SERPING1: variants seen among roughly 807,000 people sequenced by gnomAD.
The protein encoded by SERPING1 is plasma protease C1 inhibitor.
A neutral mutation model predicts 34.1 loss-of-function variants in SERPING1; 5 were observed. The ratio of observed to expected loss-of-function variants is 0.15; its 90% CI spans 0.08 to 0.31. The LOEUF (loss-of-function observed/expected upper bound fraction) is 0.31. Ranked by LOEUF, SERPING1 falls within the 10% of genes least tolerant of loss-of-function variation. The pLI is 1.00. For missense variants in SERPING1, 505 were observed against 609.5 expected (o/e 0.83, Z 1.81); for synonymous variants, 225 against 242.4 (o/e 0.93, Z 0.67).
intron 5 of SERPING1, 70 bp from the exon 6 acceptor site, chr11:57,606,338 C>A (rs1945409082): frequency 6.2e-7 from 1 of 1,603,190 alleles, no homozygotes; most frequent in Non-Finnish European, 8.5e-7. Flanking sequence ...TCTTTGCTAA[C>A]AAGGCTTTTA....
intron 6 of SERPING1, 128 bp downstream of exon 6, chr11:57,606,675 T>G (rs770144991): frequency 1.0e-6 from 1 of 973,792 alleles, no homozygotes; most frequent in Admixed American, 1.7e-5. Context: ...TCCATCTGTA[T>G]TTCCACCCTA....
Position 57,600,381 on chromosome 11 carries a change from A to G in SERPING1, c.550+4A>G. ...CTCCTTACCCAGGTCCTGCTCGGTA[A>G]GACCCTGCTTGAATTCTCTCCAGGT... On this transcript the variant is annotated splice_donor_region_variant and intron_variant, in intron 3 of 7. Transcript: ENST00000278407. The G allele has an allele frequency of 6.2e-7, 1 of 1,612,234 alleles. No homozygotes were observed. The highest frequency in any genetic ancestry group is 8.5e-7 in the Non-Finnish European group (1 of 1,179,994).
rs1590823781 is a variant in SERPING1 at position 57,601,981 on chromosome 11, G to A, written c.551-54G>A. On this transcript the variant is annotated intron_variant, in intron 3 of 7. Transcript: ENST00000278407. Reference sequence around the variant, plus strand: ...CCTGGTCCCCAACCCTCATTCCCAAGGAAGGCCCCCGACTCATCCTGCAAG... The same window carrying A: ...CCTGGTCCCCAACCCTCATTCCCAAAGAAGGCCCCCGACTCATCCTGCAAG... 1.2e-5 allele frequency: 20 copies of A among 1,610,604 alleles called. No individual in the cohort carries two copies. In the East Asian group the frequency reaches 3.8e-4, roughly 31 times the overall value.
At chr11:57,613,156 G>A (rs554460380) in intron 7 of SERPING1, among the ~76,000 whole-genome samples, 1 of 152,306 alleles carries the variant, frequency 6.6e-6, no homozygotes, top group African/African-American at 2.4e-5. Flanking sequence ...ATCTGTATAG[G>A]AAGAAAACCT....
intron 6 of SERPING1, among the ~76,000 whole-genome samples, chr11:57,608,166 T>C (rs961156451): frequency 2.6e-5 from 4 of 152,110 alleles, no homozygotes; most frequent in African/African-American, 9.7e-5. Flanking sequence ...GAGGTATAAA[T>C]ATGAGATTTT....
In SERPING1 at chr11:57,606,487, C is replaced by T; in HGVS notation, c.969C>T (p.Pro323=). ...FHFKNSVIKV[P]MMNSKKYPVA... ...TCAAAAACTCAGTTATAAAAGTGCCCATGATGAATAGCAAGAAGTACCCTG... is the reference window on the plus strand; with the variant it reads ...TCAAAAACTCAGTTATAAAAGTGCCTATGATGAATAGCAAGAAGTACCCTG... The change falls in exon 6 of 8, where the codon CCC becomes CCT. Residue 323 remains proline (P), a synonymous_variant. Coordinates refer to ENST00000278407, the MANE Select transcript of SERPING1 (RefSeq NM_000062.3). The T allele has an allele frequency of 3.1e-6, 5 of 1,614,062 alleles. No homozygotes were observed. Among genetic ancestry groups the T allele is most frequent in the Non-Finnish European group, 4.2e-6 (5 of 1,179,990 alleles).
At chr11:57,607,964 G>C (rs935012338) in intron 6 of SERPING1, among the ~76,000 whole-genome samples, 1 of 152,136 alleles carries the variant, frequency 6.6e-6, no homozygotes, top group Middle Eastern at 3.2e-3. Context: ...CAGCTGAGGA[G>C]GTTATTTTTG....
At chr11:57,606,307 A>T in intron 5 of SERPING1, 94 bp downstream of exon 5, 1 of 1,595,774 alleles carries the variant, frequency 6.3e-7, no homozygotes, top group Non-Finnish European at 8.6e-7. Context: ...CTACAATCGG[A>T]TCTCAATGTC....
At chr11:57,606,264 C>A (rs190428339) in intron 5 of SERPING1, 51 bp downstream of exon 5, 1 of 1,608,842 alleles carries the variant, frequency 6.2e-7, no homozygotes, top group Non-Finnish European at 8.5e-7. Flanking sequence ...CCTTCTTCCC[C>A]TCCTGGCTTC....
chr11:57,598,152 C>A, intron 1 of SERPING1, 97 bp from the exon 2 acceptor site: 1 of 881,404 alleles, frequency 1.1e-6, no homozygotes, highest in Non-Finnish European at 1.8e-6. Flanking sequence ...CTAAGAGGGA[C>A]TGGGGCCTGA....
intron 7 of SERPING1, among the ~76,000 whole-genome samples, chr11:57,613,269 T>C (rs536292021): frequency 6.6e-6 from 1 of 152,314 alleles, no homozygotes; most frequent in South Asian, 2.1e-4. Flanking sequence ...TGTCCTACAA[T>C]TGAATCCAAT....
chr11:57,606,439 A>G lies in SERPING1; in HGVS notation c.921A>G (p.Lys307=), dbSNP rs781097588. The change falls in exon 6 of 8, where the codon AAA becomes AAG. Residue 307 remains lysine (K), a synonymous_variant. Coordinates refer to ENST00000278407, the MANE Select transcript of SERPING1 (RefSeq NM_000062.3). ...GGAAGACAACATTTGATCCCAAGAA[A>G]ACCAGAATGGAACCCTTTCACTTCA... ...AKWKTTFDPK[K]TRMEPFHFKN... 2.2e-5 allele frequency: 36 copies of G among 1,614,074 alleles called. No individual in the cohort carries two copies. Among genetic ancestry groups the G allele is most frequent in the Admixed American group, 1.2e-4 (7 of 60,004 alleles).
At chr11:57,605,741 CA>C in intron 4 of SERPING1, 1 of 515,090 alleles carries the variant, frequency 1.9e-6, no homozygotes, top group Non-Finnish European at 3.5e-6. Flanking sequence ...TTTAATATCT[CA>C]AAAAGATTAT....
At position 57,599,953 on chromosome 11, in the gene SERPING1, A is replaced by G; in HGVS notation, c.126A>G (p.Glu42=). Residue 42 remains glutamate (E), a synonymous_variant, in exon 3 of 8, where the codon GAA becomes GAG. Coordinates refer to ENST00000278407, the MANE Select transcript of SERPING1 (RefSeq NM_000062.3). The part of the protein sequence containing the change: ...QDPESLQDRG[E]GKVATTVISK... ...CAGAGAGTTTGCAAGACAGAGGCGA[A>G]GGGAAGGTCGCAACAACAGTTATCT... 1 of 1,614,234 alleles carries G rather than the reference A, an allele frequency of 6.2e-7. No homozygotes were observed. The highest frequency in any genetic ancestry group is 8.5e-7 in the Non-Finnish European group (1 of 1,180,038).
chr11:57,608,586 C>T (rs920982393), intron 6 of SERPING1, among the ~76,000 whole-genome samples: 6 of 152,192 alleles, frequency 3.9e-5, no homozygotes, highest in Non-Finnish European at 8.8e-5. Context: ...AATCCCAGCT[C>T]TCTGTAACCT....
intron 6 of SERPING1, among the ~76,000 whole-genome samples, chr11:57,608,446 C>T (rs768783160): frequency 6.6e-6 from 1 of 152,124 alleles, no homozygotes; most frequent in Admixed American, 6.6e-5. Flanking sequence ...AATAAATATT[C>T]AAATACAAAG....
intron 5 of SERPING1, 68 bp downstream of exon 5, chr11:57,606,281 C>T (rs899541083): frequency 2.5e-6 from 4 of 1,600,668 alleles, no homozygotes; most frequent in Non-Finnish European, 3.4e-6. Flanking sequence ...CTTCAAAGCC[C>T]ACTTAACCCC....
At chr11:57,601,916 C>A in intron 3 of SERPING1, 119 bp from the exon 4 acceptor site, 8 of 744,736 alleles carry the variant, frequency 1.1e-5, no homozygotes, top group Non-Finnish European at 1.8e-5. Context: ...CTCAGATGAT[C>A]TGTGATCCCC....
At chr11:57,598,056 C>A in intron 1 of SERPING1, 193 bp from the exon 2 acceptor site, 2 of 567,992 alleles carry the variant, frequency 3.5e-6, no homozygotes, top group Non-Finnish European at 6.4e-6. Context: ...CAGCCGGTGC[C>A]GGGAAAGGGA....
Sources: gnomAD v4.1 joint callset for allele counts (sites outside exome capture counted in the v4.1 genomes callset) on GRCh38, gnomAD v4.1.1 for gene constraint, MANE v1.5 for transcripts, NCBI Gene and HGNC (gene_info 2026-07-23, HGNC 2026-07-21) for gene names.